The following KLHL29 variants were observed in gnomAD, a reference collection of about 807,000 sequenced individuals.
The protein encoded by KLHL29 is kelch-like protein 29.
KLHL29 carries 21 observed loss-of-function variants against 80.4 expected under a neutral mutation model. That is an observed-to-expected ratio of 0.26 (90% CI 0.19 to 0.38). KLHL29 has a LOEUF of 0.38. Among genes scored for constraint, KLHL29 ranks in the 10% least tolerant of loss-of-function variants. KLHL29 has a pLI of 1.00. For synonymous variants in KLHL29, 511 were observed against 526.8 expected (o/e 0.97, Z 0.41); for missense variants, 867 against 1,223.9 (o/e 0.71, Z 4.35).
chr2:23,517,512 C>T (rs189296624), intron 2 of KLHL29, among the ~76,000 whole-genome samples: 162 of 152,378 alleles, frequency 1.1e-3, no homozygotes, highest in Non-Finnish European at 1.9e-3. Context: ...CACTGCACTA[C>T]TCCAGCCTGC....
chr2:23,503,533 C>T lies in KLHL29; in HGVS notation c.-46+27866C>T, dbSNP rs1665512975. On this transcript the variant is annotated intron_variant, in intron 2 of 13. Coordinates refer to ENST00000486442, the MANE Select transcript of KLHL29 (RefSeq NM_052920.2). This position sits in a 1 kb window ranked among gnomAD's most constrained non-coding sequence, Gnocchi z 4.0. ...TGTCCTAGGGATGGCTCCTGGTTCACGCAGGCTCCTCATAGGGTCCCTGCC... is the reference window on the plus strand; with the variant it reads ...TGTCCTAGGGATGGCTCCTGGTTCATGCAGGCTCCTCATAGGGTCCCTGCC... Among the ~76,000 whole-genome samples the T allele has an allele frequency of 1.3e-5, 2 of 152,094 alleles. No individual in the cohort carries two copies. The highest frequency in any genetic ancestry group is 1.9e-4 in the East Asian group (1 of 5,190).
chr2:23,679,051 TAA>T (rs56061720), intron 5 of KLHL29, among the ~76,000 whole-genome samples: 348 of 141,548 alleles, frequency 2.5e-3, no homozygotes, highest in Middle Eastern at 3.5e-3. Context: ...TTACCACAAC[TAA>T]AAAAAAAAAA....
intron 1 of KLHL29, among the ~76,000 whole-genome samples, chr2:23,435,713 G>A (rs1326187824): frequency 6.6e-6 from 1 of 152,122 alleles, no homozygotes; most frequent in Admixed American, 6.5e-5. Context: ...CCTTTTTCAG[G>A]AAAGGAAGTA....
At position 23,642,555 on chromosome 2, in the gene KLHL29, C is replaced by T; in HGVS notation, c.645C>T (p.Ser215=). ...SLPQPPSQPL[S]SVVVNMPAQA... Reference sequence around the variant, plus strand: ...CTCAGCCGCCCTCTCAGCCACTGAGCAGCGTGGTGGTCAACATGCCTGCCC... The same window carrying T: ...CTCAGCCGCCCTCTCAGCCACTGAGTAGCGTGGTGGTCAACATGCCTGCCC... Residue 215 remains serine, a synonymous_variant, in exon 5 of 14, where the codon AGC becomes AGT. Coordinates refer to ENST00000486442, the MANE Select transcript of KLHL29 (RefSeq NM_052920.2). The T allele has an allele frequency of 6.5e-7, 1 of 1,547,652 alleles. No individual in the cohort carries two copies. The highest frequency in any genetic ancestry group is 1.2e-5 in the South Asian group (1 of 83,816).
At position 23,680,473 on chromosome 2, in the gene KLHL29, G is replaced by A. The variant is rs376455938; in HGVS notation, c.941-3926G>A. Among the ~76,000 whole-genome samples the A allele has an allele frequency of 3.8e-4, 58 of 152,288 alleles. No individual in the cohort carries two copies. The highest frequency in any genetic ancestry group is 1.0e-3 in the African/African-American group (42 of 41,566). ...TCCCACAGACGTAGGCGGGCATCCC[G>A]CTCAAAGCCGAGGAGACCCAAAAAC... is the stretch of plus-strand genomic sequence containing the variant. On this transcript the variant is annotated intron_variant, in intron 5 of 13. Coordinates refer to ENST00000486442, the MANE Select transcript of KLHL29 (RefSeq NM_052920.2). The surrounding 1 kb of genome is among the most constrained non-coding windows in gnomAD (Gnocchi z 4.1).
At chr2:23,605,080 C>T (rs1040782708) in intron 3 of KLHL29, among the ~76,000 whole-genome samples, 7 of 144,594 alleles carry the variant, frequency 4.8e-5, no homozygotes, top group African/African-American at 7.6e-5. Context: ...GGGAGGGCAG[C>T]GTGGCCCTGT....
At chr2:23,528,251 C>T (rs1227077453) in intron 2 of KLHL29, among the ~76,000 whole-genome samples, 1 of 152,076 alleles carries the variant, frequency 6.6e-6, no homozygotes, top group Non-Finnish European at 1.5e-5. Context: ...AAAAAAATTC[C>T]ATCGCACAGA....
chr2:23,692,203 G>A (rs1266193850), intron 7 of KLHL29, among the ~76,000 whole-genome samples: 1 of 152,224 alleles, frequency 6.6e-6, no homozygotes, highest in Non-Finnish European at 1.5e-5. Flanking sequence ...CTATGGCCCT[G>A]GCCTCACAGT....
chr2:23,465,487 T>C (rs188558420), intron 1 of KLHL29, among the ~76,000 whole-genome samples: 244 of 152,298 alleles, frequency 1.6e-3, no homozygotes, highest in Admixed American at 2.3e-3. Context: ...ATACCCCGGC[T>C]TCCTCGCCTC....
rs1361009773 is a variant in KLHL29 at position 23,708,518 on chromosome 2, A to G, written c.*1854A>G. ...CTGGCTATTTCTGTGAATGATATAA[A>G]ACAGGGTTCTCTGTAATGGTATTGT... On this transcript the variant is annotated 3_prime_UTR_variant, in exon 14 of 14. Transcript: ENST00000486442. 1 of 152,220 alleles carries G rather than the reference A, an allele frequency of 6.6e-6. No individual in the cohort carries two copies. Among genetic ancestry groups the G allele is most frequent in the African/African-American group, 2.4e-5 (1 of 41,448 alleles). The allele number at this position is 152,220 out of a possible 1,614,324, so 9.4% of individuals were successfully genotyped here.
At chr2:23,399,758 C>T (rs2103387785) in intron 1 of KLHL29, among the ~76,000 whole-genome samples, 1 of 152,330 alleles carries the variant, frequency 6.6e-6, no homozygotes, top group South Asian at 2.1e-4. Flanking sequence ...TTTCCAACCA[C>T]TTTCTGATGT....
At chr2:23,387,509 TATTATTATTATTATTATTA>T (rs1666215526) in intron 1 of KLHL29, among the ~76,000 whole-genome samples, 1 of 19,518 alleles carries the variant, frequency 5.1e-5, no homozygotes, top group Non-Finnish European at 9.1e-5. Flanking sequence ...CCTGATTTAT[TATTATTATTATTATTATTA>T]TTATTATTAT....
Position 23,562,181 on chromosome 2 carries a change from G to A in KLHL29, c.-16G>A, listed in dbSNP as rs778590530. 1.7e-5 allele frequency: 26 copies of A among 1,543,570 alleles called. No homozygotes were observed. Among genetic ancestry groups the A allele is most frequent in the Middle Eastern group, 1.7e-4 (1 of 6,006 alleles). Reference sequence around the variant, plus strand: ...GGGCTCTGTTTCCCTGTGAGAAGCCGCCTCGGCCCACCGAGATGTCCCGGC... The same window carrying A: ...GGGCTCTGTTTCCCTGTGAGAAGCCACCTCGGCCCACCGAGATGTCCCGGC... On this transcript the variant is annotated 5_prime_UTR_variant, in exon 3 of 14. Transcript: ENST00000486442. The surrounding 1 kb of genome is among the most constrained non-coding windows in gnomAD (Gnocchi z 4.5).
intron 3 of KLHL29, among the ~76,000 whole-genome samples, chr2:23,581,536 A>G (rs1667981546): frequency 6.6e-6 from 1 of 152,092 alleles, no homozygotes; most frequent in Non-Finnish European, 1.5e-5. Flanking sequence ...GCTTTTTAAA[A>G]ACTTTTAGGC....
At chr2:23,434,889 G>C (rs1663294850) in intron 1 of KLHL29, among the ~76,000 whole-genome samples, 1 of 152,200 alleles carries the variant, frequency 6.6e-6, no homozygotes, top group South Asian at 2.1e-4. Context: ...AGCCTGAGAG[G>C]GGGTGGGGAG....
rs1449438464 is a variant in KLHL29, at chr2:23,562,630, G to A, written c.285+149G>A. Reference sequence around the variant, plus strand: ...TCTTGTCCTTCCAGGACCTGGGCCTGGAAACTGTTTGCGAGCATTCATGCG... The same window carrying A: ...TCTTGTCCTTCCAGGACCTGGGCCTAGAAACTGTTTGCGAGCATTCATGCG... On this transcript the variant is annotated intron_variant, in intron 3 of 13. Transcript: ENST00000486442. This position sits in a 1 kb window ranked among gnomAD's most constrained non-coding sequence, Gnocchi z 4.5. The A allele has an allele frequency of 1.3e-6, 1 of 770,220 alleles. No individual in the cohort carries two copies. Among genetic ancestry groups the A allele is most frequent in the African/African-American group, 1.8e-5 (1 of 56,386 alleles). The allele number at this position is 770,220 out of a possible 1,614,324, so 47.7% of individuals were successfully genotyped here.
In KLHL29 at chr2:23,680,179, C is replaced by T. The variant is rs1671035725; in HGVS notation, c.941-4220C>T. On this transcript the variant is annotated intron_variant, in intron 5 of 13. Coordinates refer to ENST00000486442, the MANE Select transcript of KLHL29 (RefSeq NM_052920.2). The surrounding 1 kb of genome is among the most constrained non-coding windows in gnomAD (Gnocchi z 4.1). Reference sequence around the variant, plus strand: ...AGATGAGGGCAGCTCACTCAGGGTGCTGGAGGGCCTAGGGCAGGAGAGGCT... The same window carrying T: ...AGATGAGGGCAGCTCACTCAGGGTGTTGGAGGGCCTAGGGCAGGAGAGGCT... Among the ~76,000 whole-genome samples the T allele has an allele frequency of 6.6e-6, 1 of 152,086 alleles. No individual in the cohort carries two copies. The highest frequency in any genetic ancestry group is 6.5e-5 in the Admixed American group (1 of 15,276).
At chr2:23,641,889 CAGG>C (rs1669779078) in intron 4 of KLHL29, among the ~76,000 whole-genome samples, 1 of 152,184 alleles carries the variant, frequency 6.6e-6, no homozygotes, top group African/African-American at 2.4e-5. Flanking sequence ...GAGGCTGAGG[CAGG>C]AGAATTGCTT....
intron 2 of KLHL29, among the ~76,000 whole-genome samples, chr2:23,521,978 T>C (rs1444819748): frequency 6.6e-6 from 1 of 152,168 alleles, no homozygotes; most frequent in East Asian, 1.9e-4. Flanking sequence ...CCCCTTATTC[T>C]CATTAGTTAA....
Sources: allele counts gnomAD v4.1 joint callset (sites outside exome capture counted in the v4.1 genomes callset), GRCh38; gene constraint gnomAD v4.1.1; non-coding constraint Gnocchi (gnomAD v3.1); transcripts MANE v1.5; gene names NCBI Gene and HGNC (gene_info 2026-07-23, HGNC 2026-07-21).